NFASC: variants seen among roughly 807,000 people sequenced by gnomAD.
NFASC encodes the protein neurofascin homolog.
NFASC carries 43 observed loss-of-function variants against 147.5 expected under a neutral mutation model. The observed-to-expected ratio is 0.29, with a 90% CI of 0.23 to 0.38. The LOEUF is 0.38. NFASC is among the 10% of genes least tolerant of loss of function. The probability of loss-of-function intolerance (pLI) is 1.00; values close to 1 mark genes in which losing one functional copy is unlikely to be tolerated. For synonymous variants in NFASC, 622 were observed against 665.5 expected (o/e 0.93, Z 1.01); for missense variants, 1,320 against 1,689.0 (o/e 0.78, Z 3.83).
Position 204,981,798 on chromosome 1 carries a change from C to G in NFASC, c.2248C>G (p.Pro750Ala). ...CCAGCCTGTCTGTCCCTCTGCCCAG[C>G]CCATGAATGCCACCTCGGCCTTTGG... ...RKNNMEITWT[P>A]MNATSAFGPN... The change falls in exon 21 of 30, where the codon CCC becomes GCC. Residue 750 changes from proline (P) to alanine (A), a missense_variant and splice_region_variant. By Grantham distance (27) the Pro-to-Ala change is conservative (BLOSUM62 -1). Coordinates refer to ENST00000339876, the MANE Select transcript of NFASC (RefSeq NM_001005388.3). The G allele has an allele frequency of 2.6e-6, 4 of 1,551,370 alleles. No homozygotes were observed. The highest frequency in any genetic ancestry group is 1.7e-6 in the Non-Finnish European group (2 of 1,144,904).
At position 204,979,542 on chromosome 1, in the gene NFASC, A is replaced by G. The variant is rs2095472912; in HGVS notation, c.2159A>G (p.Tyr720Cys). ...SSHPSLPSER[Y>C]RTSGAPPESN... ...CACCCCAGCCTCCCATCCGAGCGCT[A>G]CCGAACCAGTGGAGCACGTGAGTAC... Residue 720 changes from tyrosine (Y) to cysteine (C), a missense_variant, in exon 19 of 30, where the codon TAC becomes TGC. Physicochemically the swap from Tyr to Cys is radical, Grantham distance 194. Around this residue, in one of 3 missense-constraint regions of NFASC, gnomAD observed 981 missense variants for 1,289.5 expected, o/e 0.76. Transcript: ENST00000339876. This position sits in a 1 kb window ranked among gnomAD's most constrained non-coding sequence, Gnocchi z 6.0. 9 of 1,613,628 alleles carry G rather than the reference A, an allele frequency of 5.6e-6. No homozygotes were observed. Among genetic ancestry groups the G allele is most frequent in the Non-Finnish European group, 7.6e-6 (9 of 1,179,986 alleles).
chr1:204,988,563 A>G, intron 22 of NFASC, 70 bp from the exon 23 acceptor site: 1 of 1,386,886 alleles, frequency 7.2e-7, no homozygotes, highest in African/African-American at 1.4e-5. Flanking sequence ...TTCTTCCTCC[A>G]GCTTGCAGAT....
chr1:205,012,832 G>A lies in NFASC; in HGVS notation c.3457G>A (p.Asp1153Asn). The change falls in exon 29 of 30, where the codon GAC (aspartate) becomes AAC (asparagine). Residue 1153 changes from aspartate (D) to asparagine (N), a missense_variant. By Grantham distance (23) the Asp-to-Asn change is conservative. Transcript: ENST00000339876. ...EKKDVPLGPE[D>N]PKEEDGSFDY... ...GAAGGATGTTCCCCTTGGCCCTGAA[G>A]ACCCCAAGGAAGAGGATGGCTCATT... 1.2e-6 allele frequency: 2 copies of A among 1,613,842 alleles called. No individual in the cohort carries two copies. The highest frequency in any genetic ancestry group is 1.7e-6 in the Non-Finnish European group (2 of 1,179,720).
At chr1:204,842,404 C>G (rs1394596603) in intron 1 of NFASC, among the ~76,000 whole-genome samples, 1 of 152,226 alleles carries the variant, frequency 6.6e-6, no homozygotes. Flanking sequence ...AATTTGTTCT[C>G]TGCTAAGTCC....
intron 1 of NFASC, among the ~76,000 whole-genome samples, chr1:204,906,688 T>G (rs1315811274): frequency 6.3e-5 from 3 of 47,870 alleles, no homozygotes; most frequent in Non-Finnish European, 1.8e-4. Flanking sequence ...CATATATGCA[T>G]TTTTTTTTTT....
Position 205,019,673 on chromosome 1 carries a change from G to A in NFASC, c.*3134G>A, listed in dbSNP as rs1190848825. 1 of 152,194 alleles carries A rather than the reference G, an allele frequency of 6.6e-6. No homozygotes were observed. The highest frequency in any genetic ancestry group is 1.9e-4 in the East Asian group (1 of 5,186). The allele number at this position is 152,194 out of a possible 1,614,324, so 9.4% of individuals were successfully genotyped here. A position where few individuals can be genotyped will look rare whatever the true frequency, so the allele number is the denominator to read the frequency against. On this transcript the variant is annotated 3_prime_UTR_variant, in exon 30 of 30. Transcript: ENST00000339876. ...CCCTCTACCGCTTAAGCCACTGATG[G>A]CTGCGAGCTTGAAGAGAGGGATTCT...
chr1:204,975,380 C>A lies in NFASC; in HGVS notation c.1668C>A (p.Ser556=). The A allele has an allele frequency of 6.2e-7, 1 of 1,614,142 alleles. No homozygotes were observed. ...KHDPSLKLTV[S]WLKDDEPLYI... The stretch of plus-strand genomic sequence containing the variant: ...ACCCCTCCCTGAAACTCACCGTCTC[C>A]TGGCTGAAGGATGACGAGCCGCTCT... Residue 556 remains serine, a synonymous_variant, in exon 15 of 30, where the codon TCC becomes TCA. Coordinates refer to ENST00000339876, the MANE Select transcript of NFASC (RefSeq NM_001005388.3). The surrounding 1 kb of genome is among the most constrained non-coding windows in gnomAD (Gnocchi z 4.0).
At chr1:204,859,845 A>G (rs927219068) in intron 1 of NFASC, among the ~76,000 whole-genome samples, 2 of 152,204 alleles carry the variant, frequency 1.3e-5, no homozygotes, top group Non-Finnish European at 2.9e-5. Flanking sequence ...CCTCATGCAC[A>G]AAGATTAGGA....
intron 1 of NFASC, among the ~76,000 whole-genome samples, chr1:204,913,629 T>C (rs1240294140): frequency 6.6e-6 from 1 of 152,198 alleles, no homozygotes; most frequent in African/African-American, 2.4e-5. Context: ...AGATCCCTTC[T>C]TCACATGATT....
chr1:204,851,326 C>CTT (rs59834352), intron 1 of NFASC, among the ~76,000 whole-genome samples: 9 of 136,368 alleles, frequency 6.6e-5, no homozygotes, highest in African/African-American at 8.1e-5. Context: ...TCATGCTTTT[C>CTT]TTTTTTTTTT....
At chr1:204,891,231 C>T (rs2082327680) in intron 1 of NFASC, among the ~76,000 whole-genome samples, 1 of 152,070 alleles carries the variant, frequency 6.6e-6, no homozygotes, top group Admixed American at 6.6e-5. Flanking sequence ...AAGGAACAGG[C>T]AAGAAGGGCG....
chr1:204,929,820 T>C (rs999150715), intron 2 of NFASC, among the ~76,000 whole-genome samples: 1 of 152,180 alleles, frequency 6.6e-6, no homozygotes, highest in Non-Finnish European at 1.5e-5. Flanking sequence ...GTTCTGTCTC[T>C]TTGGGATGGG....
intron 7 of NFASC, 126 bp downstream of exon 7, chr1:204,955,077 C>A: frequency 8.6e-7 from 1 of 1,166,902 alleles, no homozygotes; most frequent in Non-Finnish European, 1.2e-6. Flanking sequence ...TGCAATGTGG[C>A]AACCAGGCTG....
intron 4 of NFASC, among the ~76,000 whole-genome samples, chr1:204,950,870 C>G (rs1256864986): frequency 6.6e-6 from 1 of 152,172 alleles, no homozygotes; most frequent in Non-Finnish European, 1.5e-5. Flanking sequence ...GGGTAGCACA[C>G]TGGCACTTGG....
intron 29 of NFASC, among the ~76,000 whole-genome samples, chr1:205,014,645 T>C (rs1245189241): frequency 6.6e-6 from 1 of 152,152 alleles, no homozygotes. Context: ...GTCTGTTCGG[T>C]CTGTTCTTTT....
chr1:204,908,208 C>T (rs180909518), intron 1 of NFASC, among the ~76,000 whole-genome samples: 6 of 152,256 alleles, frequency 3.9e-5, no homozygotes, highest in Admixed American at 1.3e-4. Context: ...TCTCAAGCTC[C>T]TAGGTTCAGG....
chr1:204,965,413 T>C (rs2094891393), intron 8 of NFASC, among the ~76,000 whole-genome samples: 1 of 152,238 alleles, frequency 6.6e-6, no homozygotes, highest in Non-Finnish European at 1.5e-5. Flanking sequence ...GAGTTCCTCC[T>C]GCTGCAATTG....
chr1:204,944,080 T>C, intron 2 of NFASC, 146 bp from the exon 3 acceptor site: 1 of 687,750 alleles, frequency 1.5e-6, no homozygotes, highest in Non-Finnish European at 2.5e-6. Context: ...CACGTGTCAG[T>C]AGTGTTGAGG....
chr1:204,963,903 G>A (rs2094812491), intron 8 of NFASC, among the ~76,000 whole-genome samples: 1 of 152,202 alleles, frequency 6.6e-6, no homozygotes, highest in South Asian at 2.1e-4. Context: ...AATATGGCAC[G>A]TCTCTTTTGT....
Sources: gnomAD v4.1 joint callset for allele counts (sites outside exome capture counted in the v4.1 genomes callset) on GRCh38, gnomAD v4.1.1 for gene constraint, gnomAD v4.1.1 regional missense constraint, Gnocchi (gnomAD v3.1) non-coding constraint, MANE v1.5 for transcripts, NCBI Gene and HGNC (gene_info 2026-07-23, HGNC 2026-07-21) for gene names.